Variants in HIVEP1 observed in about 807,000 individuals in gnomAD.
HIVEP1 encodes zinc finger protein 40.
A neutral mutation model predicts 180.0 loss-of-function variants in HIVEP1; 36 were observed. The ratio of observed to expected loss-of-function variants is 0.20; its 90% confidence interval spans 0.15 to 0.26. The LOEUF is 0.26. HIVEP1 is among the 10% of genes least tolerant of loss of function. HIVEP1 has a pLI of 1.00. For synonymous variants in HIVEP1, 1,239 were observed against 1,239.0 expected (o/e 1.00, Z 0.00); for missense variants, 3,143 against 3,268.7 (o/e 0.96, Z 0.94).
chr6:12,075,590 CT>C (rs11299317), intron 2 of HIVEP1, among the ~76,000 whole-genome samples: 7,958 of 143,956 alleles, frequency 0.055, 222 homozygotes, highest in Middle Eastern at 0.12. Flanking sequence ...CAGATTGGGC[CT>C]TTTTTTTTTT....
chr6:12,116,924 C>A (rs1218096458), intron 3 of HIVEP1, among the ~76,000 whole-genome samples: 3 of 151,576 alleles, frequency 2.0e-5, no homozygotes, highest in African/African-American at 7.3e-5. Flanking sequence ...TAATATGAGA[C>A]AATAAAATGA....
chr6:12,106,003 T>TACACATATATACATATATATACAC (rs1471931816), intron 3 of HIVEP1, among the ~76,000 whole-genome samples: 7 of 151,382 alleles, frequency 4.6e-5, no homozygotes, highest in Non-Finnish European at 7.4e-5. Flanking sequence ...CATATATATA[T>TACACATATATACATATATATACAC]ACACATATAT....
At chr6:12,152,723 T>A (rs922650029) in intron 7 of HIVEP1, among the ~76,000 whole-genome samples, 5 of 152,134 alleles carry the variant, frequency 3.3e-5, no homozygotes, top group African/African-American at 1.2e-4. Context: ...CTTATCTCAG[T>A]GAAAGAAACC....
At chr6:12,056,854 T>C (rs972467743) in intron 2 of HIVEP1, among the ~76,000 whole-genome samples, 1 of 151,960 alleles carries the variant, frequency 6.6e-6, no homozygotes, top group Non-Finnish European at 1.5e-5. Context: ...TTTTTTTTTT[T>C]CAAACAGAAT....
the HIVEP1 span, among the ~76,000 whole-genome samples, chr6:12,210,607 T>C: frequency 6.6e-6 from 1 of 152,226 alleles, no homozygotes; most frequent in Non-Finnish European, 1.5e-5. Context: ...TTCCTCCTTC[T>C]GCTCATTCAT....
chr6:12,133,911 G>C (rs573084382), intron 6 of HIVEP1, among the ~76,000 whole-genome samples: 133 of 152,024 alleles, frequency 8.7e-4, no homozygotes, highest in Admixed American at 2.9e-3. Context: ...CCGGGAGATG[G>C]AGGTTGCAGT....
Position 12,122,794 on chromosome 6 carries a change from G to T in HIVEP1, c.2999G>T (p.Ser1000Ile). 6.2e-7 allele frequency: 1 copy of T among 1,613,596 alleles called. No individual in the cohort carries two copies. The highest frequency in any genetic ancestry group is 8.5e-7 in the Non-Finnish European group (1 of 1,179,876). ...GTAGCCATGAGAGAACCTGAGCACA[G>T]CCCTGTGCCCGGCGGTCTGCAGCCT... ...TKVAMREPEH[S>I]PVPGGLQPQI... Residue 1000 changes from serine (S) to isoleucine (I), a missense_variant, in exon 4 of 9, where the codon AGC (serine) becomes ATC (isoleucine). This residue lies in a region of HIVEP1 where 1,357 missense variants were observed against 1,260.5 expected (regional missense o/e 1.08). Transcript: ENST00000379388.
At chr6:12,035,056 GTTA>G (rs1400628729) in intron 2 of HIVEP1, among the ~76,000 whole-genome samples, 1 of 152,204 alleles carries the variant, frequency 6.6e-6, no homozygotes, top group Non-Finnish European at 1.5e-5. Flanking sequence ...GGATGTGGAT[GTTA>G]TTATTTCTGG....
At chr6:12,202,191 TG>T in the HIVEP1 span, among the ~76,000 whole-genome samples, 1 of 152,210 alleles carries the variant, frequency 6.6e-6, no homozygotes, top group African/African-American at 2.4e-5. Context: ...GGTCTCATTC[TG>T]TTGCCAGGCT....
At chr6:12,167,622 A>ATATACATGTTATATTACATGTATC (rs1271866815), downstream of HIVEP1, among the ~76,000 whole-genome samples, 3 of 129,662 alleles carry the variant, frequency 2.3e-5, no homozygotes. Flanking sequence ...TTACATGTAT[A>ATATACATGTTATATTACATGTATC]TATACATGTT....
the HIVEP1 span, among the ~76,000 whole-genome samples, chr6:12,176,756 G>T: frequency 1.3e-5 from 2 of 152,014 alleles, no homozygotes; most frequent in Admixed American, 6.5e-5. Flanking sequence ...TGCATAGTTT[G>T]CAAATATTTT....
chr6:12,078,796 C>G (rs1197589699), intron 2 of HIVEP1, among the ~76,000 whole-genome samples: 8 of 151,556 alleles, frequency 5.3e-5, no homozygotes, highest in Admixed American at 1.3e-4. Context: ...GGGTAGTGGC[C>G]TGCCTGAAAA....
At chr6:12,167,648 T>TATGTGTATAATATATACATATATAC (rs1562023652), downstream of HIVEP1, among the ~76,000 whole-genome samples, 1 of 88,484 alleles carries the variant, frequency 1.1e-5, no homozygotes, top group Non-Finnish European at 2.1e-5. Flanking sequence ...TACATATACA[T>TATGTGTATAATATATACATATATAC]ATATATGTTA....
At chr6:12,059,767 G>T (rs1771111307) in intron 2 of HIVEP1, among the ~76,000 whole-genome samples, 1 of 152,128 alleles carries the variant, frequency 6.6e-6, no homozygotes, top group Non-Finnish European at 1.5e-5. Context: ...GGCTGCTTGA[G>T]GTACAGCTCC....
chr6:12,015,598 A>C lies in HIVEP1; in HGVS notation c.-31A>C. 6.2e-7 allele frequency: 1 copy of C among 1,603,632 alleles called. No individual in the cohort carries two copies. The highest frequency in any genetic ancestry group is 8.5e-7 in the Non-Finnish European group (1 of 1,173,340). On this transcript the variant is annotated 5_prime_UTR_variant, in exon 2 of 9. It removes the in-frame stop codon of an upstream open reading frame in the 5' UTR. Coordinates refer to ENST00000379388, the MANE Select transcript of HIVEP1 (RefSeq NM_002114.4). ...TGGCTTGCTTTATCTGCAGTTTTTA[A>C]GAAGAAAAAGAAGGCCCTGAGTCAA...
At chr6:12,211,717 A>T in the HIVEP1 span, among the ~76,000 whole-genome samples, 2 of 152,082 alleles carry the variant, frequency 1.3e-5, no homozygotes, top group Non-Finnish European at 2.9e-5. Context: ...ACATCTCCCC[A>T]AGGAAAAAAA....
At chr6:12,108,802 G>A (rs1561947432) in intron 3 of HIVEP1, among the ~76,000 whole-genome samples, 1 of 152,146 alleles carries the variant, frequency 6.6e-6, no homozygotes, top group Admixed American at 6.5e-5. Flanking sequence ...TGAGGGAGCC[G>A]GCTCTGGCCT....
intron 3 of HIVEP1, among the ~76,000 whole-genome samples, chr6:12,108,087 A>G (rs2113436979): frequency 6.6e-6 from 1 of 151,470 alleles, no homozygotes; most frequent in South Asian, 2.1e-4. Context: ...AAGAGTGCCT[A>G]TTGGTATATT....
At chr6:12,170,010 A>G in the HIVEP1 span, among the ~76,000 whole-genome samples, 13 of 152,040 alleles carry the variant, frequency 8.6e-5, no homozygotes, top group Admixed American at 7.9e-4. Flanking sequence ...AGTCCCAGCT[A>G]CTTGGGAGGC....
Sources: allele counts gnomAD v4.1 joint callset (sites outside exome capture counted in the v4.1 genomes callset), GRCh38; gene constraint gnomAD v4.1.1; regional missense constraint gnomAD v4.1.1; transcripts MANE v1.5; gene names NCBI Gene and HGNC (gene_info 2026-07-23, HGNC 2026-07-21).